ST7: variants seen among roughly 807,000 people sequenced by gnomAD.
The protein encoded by ST7 is suppressor of tumorigenicity 7 protein.
ST7 carries 28 observed loss-of-function variants against 78.7 expected under a neutral mutation model. The observed-to-expected ratio is 0.36, with a 90% confidence interval of 0.26 to 0.49. ST7 has a LOEUF of 0.49. Among genes scored for constraint, ST7 ranks in the 20% least tolerant of loss-of-function variants. ST7 has a pLI of 0.99. For synonymous variants in ST7, 247 were observed against 249.6 expected, an observed-to-expected ratio of 0.99 and a Z score of 0.10; for missense variants, 418 against 696.0, an observed-to-expected ratio of 0.60 and a Z score of 4.49.
chr7:117,211,191 G>A (rs1792258464), intron 13 of ST7, among the ~76,000 whole-genome samples: 1 of 152,214 alleles, frequency 6.6e-6, no homozygotes, highest in Non-Finnish European at 1.5e-5. Flanking sequence ...CAAATTAGCA[G>A]TAGTTCTGCT....
chr7:116,955,193 C>A (rs1037881214), intron 1 of ST7: 4 of 445,084 alleles, frequency 9.0e-6, no homozygotes, highest in Non-Finnish European at 4.6e-6. Flanking sequence ...AAGTTCTATA[C>A]CTTTAAGAAG....
chr7:117,172,747 A>G (rs1372898255), intron 10 of ST7, among the ~76,000 whole-genome samples: 3 of 152,162 alleles, frequency 2.0e-5, no homozygotes, highest in African/African-American at 7.2e-5. Flanking sequence ...CACTTTTCCA[A>G]ATGCCACTCT....
chr7:117,121,862 T>A (rs756160089), intron 3 of ST7, among the ~76,000 whole-genome samples: 2 of 143,690 alleles, frequency 1.4e-5, no homozygotes, highest in African/African-American at 2.5e-5. Context: ...GAGACTGAGC[T>A]AGGAAATTCT....
chr7:117,227,543 A>G (rs192067421), intron 15 of ST7, among the ~76,000 whole-genome samples: 1 of 152,316 alleles, frequency 6.6e-6, no homozygotes, highest in African/African-American at 2.4e-5. Context: ...GTGTCTGTGT[A>G]TGTAGATATA....
intron 1 of ST7, among the ~76,000 whole-genome samples, chr7:117,034,589 A>G (rs1707330361): frequency 1.3e-5 from 2 of 152,212 alleles, no homozygotes; most frequent in South Asian, 4.1e-4. Context: ...TTGTAATGGT[A>G]TCATATTTTA....
chr7:116,994,011 A>G (rs1794539920), intron 1 of ST7, among the ~76,000 whole-genome samples: 1 of 152,212 alleles, frequency 6.6e-6, no homozygotes, highest in African/African-American at 2.4e-5. Flanking sequence ...AAAATATATC[A>G]TATCATTTAC....
At chr7:117,018,782 G>A (rs1377445263) in intron 1 of ST7, among the ~76,000 whole-genome samples, 1 of 152,204 alleles carries the variant, frequency 6.6e-6, no homozygotes, top group Non-Finnish European at 1.5e-5. Flanking sequence ...CCAGGATAGT[G>A]CCTGGCACAT....
chr7:117,136,332 A>G (rs1289685259), intron 8 of ST7, 97 bp downstream of exon 8: 32 of 1,436,780 alleles, frequency 2.2e-5, no homozygotes, highest in Non-Finnish European at 3.0e-5. Flanking sequence ...TGATTCTCCT[A>G]GACAAGAGAA....
At chr7:117,210,637 G>A (rs1341481113) in intron 13 of ST7, among the ~76,000 whole-genome samples, 1 of 152,168 alleles carries the variant, frequency 6.6e-6, no homozygotes, top group African/African-American at 2.4e-5. Context: ...GAGGTCCATG[G>A]GGTGGAGTGA....
chr7:117,154,189 A>G (rs1167242221), intron 9 of ST7, among the ~76,000 whole-genome samples: 1 of 152,122 alleles, frequency 6.6e-6, no homozygotes, highest in African/African-American at 2.4e-5. Flanking sequence ...GCCCTTACAG[A>G]TAAGACCAGT....
Position 117,152,184 on chromosome 7 carries a change from TATATA to T in ST7, c.963+13653_963+13657del, listed in dbSNP as rs1332657109. Among the ~76,000 whole-genome samples the T allele has an allele frequency of 2.3e-3, 157 of 68,180 alleles. 2 individuals are homozygous for T. Among genetic ancestry groups the T allele is most frequent in the African/African-American group, 6.3e-3 (131 of 20,684 alleles). 44.7% of individuals were successfully genotyped at this position (68,180 alleles called of 152,430 possible). The stretch of plus-strand genomic sequence containing the variant: ...GTATTATATATATAAAAACTATATA[TATATA>T]TATATATATATATATATATATATAT... On this transcript the variant is annotated intron_variant, in intron 9 of 15. Transcript: ENST00000323984.
intron 1 of ST7, among the ~76,000 whole-genome samples, chr7:116,994,087 G>A (rs1205759827): frequency 3.3e-5 from 5 of 152,056 alleles, no homozygotes; most frequent in East Asian, 3.9e-4. Context: ...TTATGCAGTC[G>A]TCACCACTGT....
intron 9 of ST7, among the ~76,000 whole-genome samples, chr7:117,139,711 G>T (rs1805109013): frequency 6.6e-6 from 1 of 152,178 alleles, no homozygotes; most frequent in Non-Finnish European, 1.5e-5. Flanking sequence ...GGTGATAGAT[G>T]CTCTCTAGGA....
At position 117,189,380 on chromosome 7, in the gene ST7, G is replaced by A; in HGVS notation, c.1138G>A (p.Ala380Thr). The A allele has an allele frequency of 6.2e-7, 1 of 1,604,854 alleles. No individual in the cohort carries two copies. Among genetic ancestry groups the A allele is most frequent in the Non-Finnish European group, 8.5e-7 (1 of 1,175,014 alleles). Reference protein sequence around the residue: ...CYTAALLKARAVSDKFSPEAA... With the variant: ...CYTAALLKARTVSDKFSPEAA... ...CACAGCTGCTTTGCTCAAAGCAAGA[G>A]CTGTCTCTGACAAGTAAGTGAATAA... Residue 380 changes from alanine (A) to threonine (T), a missense_variant, in exon 11 of 16, where the codon GCT (alanine) becomes ACT (threonine). Physicochemically the swap from Ala to Thr is moderately conservative, Grantham distance 58. This residue lies in a region of ST7 where 288 missense variants were observed against 537.1 expected (regional missense o/e 0.54). Transcript: ENST00000323984.
Position 117,229,987 on chromosome 7 carries a change from A to G in ST7, c.*130A>G. The G allele has an allele frequency of 1.2e-6, 1 of 846,430 alleles. No individual in the cohort carries two copies. Among genetic ancestry groups the G allele is most frequent in the East Asian group, 2.4e-5 (1 of 40,846 alleles). 52.4% of individuals were successfully genotyped at this position (846,430 alleles called of 1,614,324 possible). On this transcript the variant is annotated 3_prime_UTR_variant, in exon 16 of 16. Transcript: ENST00000323984. Reference sequence around the variant, plus strand: ...TTCCGAGATTTTAAAATGTTCATGGACTATTCCATATTAAAAGCTGTTTTT... The same window carrying G: ...TTCCGAGATTTTAAAATGTTCATGGGCTATTCCATATTAAAAGCTGTTTTT...
chr7:117,125,156 C>T (rs1442938850), intron 3 of ST7, among the ~76,000 whole-genome samples: 1 of 152,056 alleles, frequency 6.6e-6, no homozygotes, highest in Non-Finnish European at 1.5e-5. Context: ...TGCTCTAGTA[C>T]AAATTAGGTC....
chr7:117,092,024 A>T (rs1027441671), intron 1 of ST7, among the ~76,000 whole-genome samples: 3 of 152,130 alleles, frequency 2.0e-5, no homozygotes, highest in Admixed American at 1.3e-4. Flanking sequence ...TTAAGCCAGT[A>T]AGGAGGATCT....
At chr7:116,972,397 C>A in intron 1 of ST7, 1 of 683,926 alleles carries the variant, frequency 1.5e-6, no homozygotes, top group Non-Finnish European at 2.6e-6. Context: ...TTCAGCAGGA[C>A]TCAGACACTT....
At chr7:116,986,497 T>C (rs1794195455) in intron 1 of ST7, among the ~76,000 whole-genome samples, 1 of 152,230 alleles carries the variant, frequency 6.6e-6, no homozygotes, top group Admixed American at 6.5e-5. Context: ...TAAATCATTT[T>C]CTGAGAATGC....
Sources: gnomAD v4.1 joint callset for allele counts (sites outside exome capture counted in the v4.1 genomes callset) on GRCh38, gnomAD v4.1.1 for gene constraint, gnomAD v4.1.1 regional missense constraint, MANE v1.5 for transcripts, NCBI Gene and HGNC (gene_info 2026-07-23, HGNC 2026-07-21) for gene names.